Variants in CEP170 observed in about 807,000 individuals in gnomAD.
The protein encoded by CEP170 is centrosomal protein of 170 kDa.
Under a neutral mutation model 151.9 loss-of-function variants are expected in CEP170, and 21 were observed. That is an observed-to-expected ratio of 0.14 (90% CI 0.10 to 0.20). The LOEUF (loss-of-function observed/expected upper bound fraction) is 0.20. CEP170 is among the 10% of genes least tolerant of loss of function. The pLI, the probability that CEP170 is intolerant of heterozygous loss-of-function variation, is 1.00. For synonymous variants in CEP170, 356 were observed against 648.8 expected (o/e 0.55, Z 6.86); for missense variants, 964 against 1,892.9 (o/e 0.51, Z 9.11).
chr1:243,143,746 A>G (rs77661226), intron 14 of CEP170, among the ~76,000 whole-genome samples: 1 of 151,518 alleles, frequency 6.6e-6, no homozygotes. Context: ...AAAAAAAAAA[A>G]AGAGCCTAGG....
rs2060355386 is a variant in CEP170, at chr1:243,192,331, T to C, written c.632-837A>G. 2.6e-5 allele frequency among the ~76,000 whole-genome samples: 4 copies of C among 152,178 alleles called. No homozygotes were observed. The South Asian group carries it at 8.3e-4, about 32-fold the overall frequency. ...GAAGGAGCAAGCAACTCTGGAACAC[T>C]ATCACTATTCTTCTGTTGCCTCAGA... On this transcript the variant is annotated intron_variant, in intron 7 of 19. Coordinates refer to ENST00000366542, the MANE Select transcript of CEP170 (RefSeq NM_014812.3).
chr1:243,142,307 A>C lies in CEP170; in HGVS notation c.4059+9T>G, dbSNP rs1236676704. 3.8e-6 allele frequency: 6 copies of C among 1,587,036 alleles called. No homozygotes were observed. The highest frequency in any genetic ancestry group is 3.7e-5 in the Admixed American group (2 of 53,508). On this transcript the variant is annotated intron_variant, in intron 15 of 19. Transcript: ENST00000366542. ...GAACCTTATGCATTTCTCCATGAAG[A>C]TCTCCTACCTCTTCTCTAGTGTCTA...
intron 13 of CEP170, among the ~76,000 whole-genome samples, chr1:243,159,758 C>A (rs192184598): frequency 1.7e-5 from 1 of 59,718 alleles, no homozygotes; most frequent in Admixed American, 1.4e-4. Flanking sequence ...TTTTTGTTTC[C>A]GGTTTTGTGT....
chr1:243,171,944 A>C (rs892136491), intron 11 of CEP170, among the ~76,000 whole-genome samples: 1 of 152,228 alleles, frequency 6.6e-6, no homozygotes, highest in Non-Finnish European at 1.5e-5. Context: ...GCAATCCTTA[A>C]TTAATTTCAT....
intron 7 of CEP170, among the ~76,000 whole-genome samples, chr1:243,192,367 A>G (rs2060357672): frequency 1.3e-5 from 2 of 152,162 alleles, no homozygotes; most frequent in South Asian, 4.1e-4. Context: ...ATCTAATACA[A>G]AAGTATAGAA....
At chr1:243,174,174 A>C (rs2059067666) in intron 10 of CEP170, among the ~76,000 whole-genome samples, 1 of 151,774 alleles carries the variant, frequency 6.6e-6, no homozygotes, top group African/African-American at 2.4e-5. Flanking sequence ...GCAGGACCTG[A>C]GTCTTACTCA....
Position 243,140,024 on chromosome 1 carries a change from G to A in CEP170, c.4143C>T (p.Asn1381=), listed in dbSNP as rs368100808. ...GAGGTCTTGGATCACCAGATCGACC[G>A]TTGTTTCCTTCTGGTGTTTTGGAAT... ...LVHSKTPEGN[N]GRSGDPRPQA... is the part of the protein sequence containing the mutation. Residue 1381 remains asparagine (N), a synonymous_variant, in exon 16 of 20, where the codon AAC becomes AAT. Transcript: ENST00000366542. 1.3e-4 allele frequency: 212 copies of A among 1,613,930 alleles called. No individual in the cohort carries two copies. In the African/African-American group the frequency reaches 2.4e-3, roughly 18 times the overall value.
intron 1 of CEP170, among the ~76,000 whole-genome samples, chr1:243,243,108 A>G (rs1269271678): frequency 6.6e-6 from 1 of 152,198 alleles, no homozygotes; most frequent in African/African-American, 2.4e-5. Flanking sequence ...GCTCATGCCT[A>G]TCTGCTTTAG....
chr1:243,178,308 CAAAAAA>C (rs869094317), intron 10 of CEP170, among the ~76,000 whole-genome samples: 17 of 30,420 alleles, frequency 5.6e-4, no homozygotes, highest in African/African-American at 2.1e-3. Context: ...GACTCTGCCT[CAAAAAA>C]AAAAAAAAAA....
rs1352624952 is a variant in CEP170 at position 243,125,589 on chromosome 1, TATCTGTCTAGTTTA to T, written c.*846_*859del. 2 of 153,356 alleles carry T rather than the reference TATCTGTCTAGTTTA, an allele frequency of 1.3e-5. No individual in the cohort carries two copies. Among genetic ancestry groups the T allele is most frequent in the African/African-American group, 4.8e-5 (2 of 41,296 alleles). 9.5% of individuals were successfully genotyped at this position (153,356 alleles called of 1,614,324 possible). A position where few individuals can be genotyped will look rare whatever the true frequency, so the allele number is the denominator to read the frequency against. On this transcript the variant is annotated 3_prime_UTR_variant, in exon 20 of 20. Coordinates refer to ENST00000366542, the MANE Select transcript of CEP170 (RefSeq NM_014812.3). ...TTTTAAAAATATACTCCACCTAAAC[TATCTGTCTAGTTTA>T]ATCTTTCTAGTTATCATTTAACCTA...
At chr1:243,244,790 C>A (rs897561877) in intron 1 of CEP170, among the ~76,000 whole-genome samples, 3 of 151,212 alleles carry the variant, frequency 2.0e-5, no homozygotes, top group Non-Finnish European at 4.4e-5. Flanking sequence ...AAGAGTTACA[C>A]AATAAACTGA....
At chr1:243,230,936 A>G (rs974481876) in intron 1 of CEP170, among the ~76,000 whole-genome samples, 2 of 152,146 alleles carry the variant, frequency 1.3e-5, no homozygotes, top group Non-Finnish European at 2.9e-5. Flanking sequence ...CACAAGAAAC[A>G]TTACAGTCAA....
intron 1 of CEP170, among the ~76,000 whole-genome samples, chr1:243,245,526 C>T (rs1439047214): frequency 6.6e-6 from 1 of 152,002 alleles, no homozygotes; most frequent in Non-Finnish European, 1.5e-5. Flanking sequence ...CCAGCCTGAC[C>T]AACATGGTGA....
chr1:243,190,860 G>A (rs1417560423), intron 8 of CEP170, among the ~76,000 whole-genome samples, 158 bp downstream of exon 8: 6 of 152,130 alleles, frequency 3.9e-5, no homozygotes. Context: ...AATTGGACAT[G>A]GGCAGTGTAG....
intron 17 of CEP170, among the ~76,000 whole-genome samples, chr1:243,133,634 CA>C (rs1432998601): frequency 6.6e-6 from 1 of 152,032 alleles, no homozygotes; most frequent in Non-Finnish European, 1.5e-5. Context: ...TTTTTCCCTA[CA>C]AATTTCAGTT....
intron 7 of CEP170, among the ~76,000 whole-genome samples, chr1:243,194,655 A>AG (rs1204994816): frequency 6.6e-6 from 1 of 151,928 alleles, no homozygotes; most frequent in Non-Finnish European, 1.5e-5. Context: ...GAAAACTATA[A>AG]GGGGTCTTCT....
chr1:243,223,968 A>G (rs766126137), intron 2 of CEP170, among the ~76,000 whole-genome samples: 11 of 152,192 alleles, frequency 7.2e-5, no homozygotes, highest in Non-Finnish European at 1.5e-4. Flanking sequence ...TACAGAACAT[A>G]ATACATCTAG....
rs1452319530 is a variant in CEP170 at position 243,204,795 on chromosome 1, A to G, written c.275-3960T>C. 2.0e-5 allele frequency among the ~76,000 whole-genome samples: 3 copies of G among 152,274 alleles called. No homozygotes were observed. The South Asian group carries it at 6.2e-4, about 32-fold the overall frequency. ...TTATATAATAAAAATCCCCACATTC[A>G]TATCTTTAGCTTCTACTTCACCCCT... On this transcript the variant is annotated intron_variant, in intron 4 of 19. Coordinates refer to ENST00000366542, the MANE Select transcript of CEP170 (RefSeq NM_014812.3).
chr1:243,210,608 A>ATTTTTTTTTTTTT (rs751388751), intron 4 of CEP170, among the ~76,000 whole-genome samples: 16 of 67,956 alleles, frequency 2.4e-4, no homozygotes, highest in Non-Finnish European at 2.5e-4. Context: ...ATTTTTCGTA[A>ATTTTTTTTTTTTT]TTTTTTTTTT....
Sources: gnomAD v4.1 joint callset for allele counts (sites outside exome capture counted in the v4.1 genomes callset) on GRCh38, gnomAD v4.1.1 for gene constraint, MANE v1.5 for transcripts, NCBI Gene and HGNC (gene_info 2026-07-23, HGNC 2026-07-21) for gene names.